The following CPEB3 variants were observed in gnomAD, a reference collection of about 807,000 sequenced individuals.
The protein encoded by CPEB3 is cytoplasmic polyadenylation element binding protein 3.
A neutral mutation model predicts 67.2 loss-of-function variants in CPEB3; 20 were observed. That is an observed-to-expected ratio of 0.30 (90% CI 0.21 to 0.43). The LOEUF is 0.43. Among genes scored for constraint, CPEB3 ranks in the 20% least tolerant of loss-of-function variants. The pLI is 1.00. For missense variants in CPEB3, 746 were observed against 968.6 expected, an observed-to-expected ratio of 0.77 and a Z score of 3.05; for synonymous variants, 376 against 393.1, an observed-to-expected ratio of 0.96 and a Z score of 0.51.
At chr10:92,286,679 A>G (rs1423433404) in intron 1 of CPEB3, among the ~76,000 whole-genome samples, 5 of 152,116 alleles carry the variant, frequency 3.3e-5, no homozygotes, top group Admixed American at 3.3e-4. Context: ...GAATTAATGA[A>G]AAAAAAACTT....
At chr10:92,244,490 T>A (rs1376544954) in intron 1 of CPEB3, among the ~76,000 whole-genome samples, 1 of 151,348 alleles carries the variant, frequency 6.6e-6, no homozygotes, top group African/African-American at 2.4e-5. Flanking sequence ...TAGGCTGGAG[T>A]ACAGTGGTGC....
chr10:92,203,134 G>C (rs1337842214), intron 2 of CPEB3, among the ~76,000 whole-genome samples: 3 of 150,800 alleles, frequency 2.0e-5, no homozygotes, highest in Admixed American at 6.6e-5. Context: ...GTAGAGACAG[G>C]GTTTCACCGT....
At chr10:92,270,295 G>A (rs568982756) in intron 1 of CPEB3, among the ~76,000 whole-genome samples, 111 of 152,248 alleles carry the variant, frequency 7.3e-4, no homozygotes, top group African/African-American at 2.6e-3. Context: ...GGTCAGAAAG[G>A]GTTTTCTGGA....
intron 2 of CPEB3, among the ~76,000 whole-genome samples, chr10:92,203,602 C>T (rs1359254844): frequency 6.7e-6 from 1 of 150,034 alleles, no homozygotes; most frequent in Non-Finnish European, 1.5e-5. Context: ...ATTTTTAGTA[C>T]AGACGAGGTT....
chr10:92,095,589 T>TAC (rs1843821949), intron 7 of CPEB3, among the ~76,000 whole-genome samples: 3 of 81,708 alleles, frequency 3.7e-5, no homozygotes, highest in Admixed American at 1.4e-4. Flanking sequence ...GATTTATATA[T>TAC]ATATATATAT....
At chr10:92,175,089 A>G (rs942516900) in intron 4 of CPEB3, among the ~76,000 whole-genome samples, 1 of 152,058 alleles carries the variant, frequency 6.6e-6, no homozygotes, top group African/African-American at 2.4e-5. Flanking sequence ...TGCCATCATT[A>G]CACATGACTT....
chr10:92,210,157 T>A (rs1001025833), intron 2 of CPEB3, among the ~76,000 whole-genome samples: 3 of 152,072 alleles, frequency 2.0e-5, no homozygotes, highest in Non-Finnish European at 4.4e-5. Flanking sequence ...ATAAAAAGAT[T>A]TAAATCACAG....
At chr10:92,104,096 A>T (rs1316105312) in intron 7 of CPEB3, among the ~76,000 whole-genome samples, 6 of 152,216 alleles carry the variant, frequency 3.9e-5, no homozygotes, top group Admixed American at 3.9e-4. Flanking sequence ...ATATTGTAAG[A>T]CTTCTCAGAA....
At chr10:92,269,761 T>C (rs1357026223) in intron 1 of CPEB3, among the ~76,000 whole-genome samples, 1 of 152,150 alleles carries the variant, frequency 6.6e-6, no homozygotes, top group Non-Finnish European at 1.5e-5. Flanking sequence ...TTTCATCATG[T>C]TGGCCAGGCT....
chr10:92,238,098 T>C (rs936962304), intron 2 of CPEB3, among the ~76,000 whole-genome samples: 7 of 152,206 alleles, frequency 4.6e-5, no homozygotes, highest in Non-Finnish European at 1.0e-4. Context: ...AACTGTCAGC[T>C]CTACCAAGCA....
intron 1 of CPEB3, among the ~76,000 whole-genome samples, chr10:92,242,531 G>C (rs1317583740): frequency 1.3e-5 from 2 of 152,184 alleles, no homozygotes; most frequent in Admixed American, 1.3e-4. Context: ...TGAGATTTGA[G>C]TCACTTCCAG....
intron 6 of CPEB3, among the ~76,000 whole-genome samples, chr10:92,121,524 CT>C (rs1199477130): frequency 4.0e-5 from 6 of 150,462 alleles, no homozygotes; most frequent in Non-Finnish European, 4.4e-5. Context: ...GTAGGTTTGA[CT>C]TTTTTTAAAT....
Position 92,052,250 on chromosome 10 carries a change from C to T in CPEB3, c.2059G>A (p.Gly687Ser), listed in dbSNP as rs1457572085. 4 of 1,613,966 alleles carry T rather than the reference C, an allele frequency of 2.5e-6. No individual in the cohort carries two copies. The highest frequency in any genetic ancestry group is 4.5e-5 in the East Asian group (2 of 44,882). Residue 687 changes from glycine (G) to serine (S), a missense_variant, in exon 10 of 10, where the codon GGC (glycine) becomes AGC (serine). Coordinates refer to ENST00000265997, the MANE Select transcript of CPEB3 (RefSeq NM_014912.5). ...EFHKPLVKEGGDRPRHVPFRW... is the reference protein window; with the variant it reads ...EFHKPLVKEGSDRPRHVPFRW... ...AACGGGACGTGACGAGGGCGGTCGC[C>T]TCCCTCCTTCACCAGCGGTTTGTGG...
chr10:92,081,168 C>A lies in CPEB3; in HGVS notation c.1869+152G>T, dbSNP rs112273377. 1.7e-3 allele frequency: 1,333 copies of A among 790,944 alleles called. 12 individuals carry two copies. The African/African-American group carries it at 0.02, about 12-fold the overall frequency. 49.0% of individuals were successfully genotyped at this position (790,944 alleles called of 1,614,324 possible). A position where few individuals can be genotyped will look rare whatever the true frequency, so the allele number is the denominator to read the frequency against. ...TAATGCCTTAAATATCAACAGTGCT[C>A]TCTTTTTCAGGCAGCCTAGATGAAT... On this transcript the variant is annotated intron_variant, in intron 9 of 9. Transcript: ENST00000265997.
chr10:92,134,817 T>C (rs562170457), intron 6 of CPEB3, among the ~76,000 whole-genome samples: 5 of 151,936 alleles, frequency 3.3e-5, no homozygotes, highest in Non-Finnish European at 5.9e-5. Context: ...AAAACAGATA[T>C]ATAGACCAAT....
rs1851678806 is a variant in CPEB3 at position 92,239,028 on chromosome 10, C to A, written c.1005+318G>T. ...ATCCTGGGACTATGCCGGCACCTTG[C>A]CACACACTTGCAGCTTTACTTGTCA... On this transcript the variant is annotated intron_variant, in intron 2 of 9. Coordinates refer to ENST00000265997, the MANE Select transcript of CPEB3 (RefSeq NM_014912.5). The surrounding 1 kb of genome is among the most constrained non-coding windows in gnomAD (Gnocchi z 6.0). Among the ~76,000 whole-genome samples the A allele has an allele frequency of 6.6e-6, 1 of 152,142 alleles. No homozygotes were observed. The highest frequency in any genetic ancestry group is 6.5e-5 in the Admixed American group (1 of 15,270).
At position 92,243,540 on chromosome 10, in the gene CPEB3, T is replaced by C. The variant is rs148576314; in HGVS notation, c.-11-3179A>G. ...GATAAAGGGAAACTGAATTGTAGTA[T>C]TCAGAATAAATAAACCAAGCAGAGC... On this transcript the variant is annotated intron_variant, in intron 1 of 9. Transcript: ENST00000265997. Among the ~76,000 whole-genome samples, 219 of 152,224 alleles carry C rather than the reference T, an allele frequency of 1.4e-3. 1 individual carries two copies. The highest frequency in any genetic ancestry group is 4.9e-3 in the African/African-American group (203 of 41,538).
chr10:92,259,116 T>A (rs1385770991), intron 1 of CPEB3, among the ~76,000 whole-genome samples: 2 of 151,372 alleles, frequency 1.3e-5, no homozygotes, highest in African/African-American at 4.8e-5. Flanking sequence ...GTACACGCCA[T>A]CATGCCTGGC....
chr10:92,250,858 A>ATTTTTT (rs1211646953), intron 1 of CPEB3, among the ~76,000 whole-genome samples: 39 of 104,120 alleles, frequency 3.7e-4, no homozygotes, highest in African/African-American at 5.2e-4. Context: ...CACACAGTTA[A>ATTTTTT]TTTTTTTTTT....
Sources: gnomAD v4.1 joint callset for allele counts (sites outside exome capture counted in the v4.1 genomes callset) on GRCh38, gnomAD v4.1.1 for gene constraint, Gnocchi (gnomAD v3.1) non-coding constraint, MANE v1.5 for transcripts, NCBI Gene and HGNC (gene_info 2026-07-23, HGNC 2026-07-21) for gene names.